ABCC6: variants seen among roughly 807,000 people sequenced by gnomAD.
ABCC6 encodes the protein ATP-binding cassette sub-family C member 6.
In ABCC6, 126 loss-of-function variants were observed where a neutral mutation model predicts 169.5. The ratio of observed to expected loss-of-function variants is 0.74; its 90% CI spans 0.64 to 0.86. The LOEUF is 0.86. Among genes scored for constraint, ABCC6 ranks in the 40% least tolerant of loss-of-function variants. The pLI, the probability that ABCC6 is intolerant of heterozygous loss-of-function variation, is 0.00. For missense variants in ABCC6, 1,733 were observed against 1,927.2 expected (o/e 0.90, Z 1.89); for synonymous variants, 752 against 814.7 (o/e 0.92, Z 1.31).
chr16:16,200,246 A>G (rs1203942831), intron 9 of ABCC6, among the ~76,000 whole-genome samples: 1 of 151,980 alleles, frequency 6.6e-6, no homozygotes, highest in East Asian at 1.9e-4. Flanking sequence ...AGCTTGGCCA[A>G]CATGGTAAAA....
intron 22 of ABCC6, 148 bp downstream of exon 22, chr16:16,169,498 A>T: frequency 1.1e-6 from 1 of 946,768 alleles, no homozygotes; most frequent in Non-Finnish European, 1.7e-6. Context: ...GCCTCATCTT[A>T]AGGACGCAGA....
chr16:16,175,964 G>C lies in ABCC6; in HGVS notation c.2613C>G (p.Thr871=). The C allele has an allele frequency of 6.2e-7, 1 of 1,614,110 alleles. No individual in the cohort carries two copies. The highest frequency in any genetic ancestry group is 8.5e-7 in the Non-Finnish European group (1 of 1,180,016). The change falls in exon 20 of 31, where the codon ACC becomes ACG. Residue 871 remains threonine, a synonymous_variant. Coordinates refer to ENST00000205557, the MANE Select transcript of ABCC6 (RefSeq NM_001171.6). ...GEGETEPGTS[T]KDPRGTSAGR... ...CTGCAGAGGTGCCTCTGGGGTCCTTGGTGCTGGTCCCAGGTTCTGTTTCTG... is the reference window on the plus strand; with the variant it reads ...CTGCAGAGGTGCCTCTGGGGTCCTTCGTGCTGGTCCCAGGTTCTGTTTCTG...
intron 27 of ABCC6, among the ~76,000 whole-genome samples, chr16:16,156,589 G>A (rs1245276070): frequency 6.6e-6 from 1 of 152,126 alleles, no homozygotes; most frequent in Non-Finnish European, 1.5e-5. Context: ...TTACCCCAAG[G>A]GAAGCTGGAA....
In ABCC6 at chr16:16,198,093, C is replaced by A. The variant is rs547565680; in HGVS notation, c.1266G>T (p.Glu422Asp). Reference protein sequence around the residue: ...LVSVDVQRLTESVLYLNGLWL... With the variant: ...LVSVDVQRLTDSVLYLNGLWL... Reference sequence around the variant, plus strand: ...ACAGCCCGTTGAGGTAGAGGACGCTCTCGGTCAGCCGCTGCACGTCCACGG... The same window carrying A: ...ACAGCCCGTTGAGGTAGAGGACGCTATCGGTCAGCCGCTGCACGTCCACGG... The change falls in exon 10 of 31, where the codon GAG (glutamate) becomes GAT (aspartate). Residue 422 changes from glutamate to aspartate, a missense_variant. Physicochemically the swap from Glu to Asp is conservative, Grantham distance 45 (BLOSUM62 2). Coordinates refer to ENST00000205557, the MANE Select transcript of ABCC6 (RefSeq NM_001171.6). 1 of 1,613,840 alleles carries A rather than the reference C, an allele frequency of 6.2e-7. No individual in the cohort carries two copies. The highest frequency in any genetic ancestry group is 2.2e-5 in the East Asian group (1 of 44,870).
chr16:16,221,722 G>A lies in ABCC6; in HGVS notation c.146C>T (p.Pro49Leu). 6.2e-7 allele frequency: 1 copy of A among 1,613,804 alleles called. No individual in the cohort carries two copies. Among genetic ancestry groups the A allele is most frequent in the Non-Finnish European group, 8.5e-7 (1 of 1,179,818 alleles). Residue 49 changes from proline to leucine, a missense_variant, in exon 2 of 31, where the codon CCC becomes CTC. Around this residue, in one of 5 missense-constraint regions of ABCC6, gnomAD observed 66 missense variants for 69.5 expected, o/e 0.95. Coordinates refer to ENST00000205557, the MANE Select transcript of ABCC6 (RefSeq NM_001171.6). ...GTGGTGGATGAAGAGGAGGTAGATG[G>A]GACCAAGGACCCAGAGGTACATGGG... ...VPPMYLWVLG[P>L]IYLLFIHHHG...
intron 18 of ABCC6, 30 bp from the exon 19 acceptor site, chr16:16,177,656 C>G (rs760478159): frequency 1.7e-5 from 28 of 1,612,816 alleles, no homozygotes; most frequent in Non-Finnish European, 2.3e-5. Context: ...AAGTTACACA[C>G]ATGTGGCCGG....
At chr16:16,170,019 C>T (rs2047007585) in intron 21 of ABCC6, among the ~76,000 whole-genome samples, 166 bp from the exon 22 acceptor site, 1 of 152,222 alleles carries the variant, frequency 6.6e-6, no homozygotes, top group African/African-American at 2.4e-5. Flanking sequence ...GCACCATTTC[C>T]CCGACAGGCC....
At position 16,161,552 on chromosome 16, in the gene ABCC6, G is replaced by C. The variant is rs1194262271; in HGVS notation, c.3519C>G (p.Ala1173=). The part of the protein sequence containing the change: ...PRLVADRWLA[A]NVELLGNGLV... ...GGCCATTCCCCAGGAGCTCCACATT[G>C]GCCGCAAGCCACCTGCAAAGGGAAG... The change falls in exon 25 of 31, where the codon GCC becomes GCG. Residue 1173 remains alanine (A), a synonymous_variant. Transcript: ENST00000205557. 6.2e-7 allele frequency: 1 copy of C among 1,613,930 alleles called. No individual in the cohort carries two copies. Among genetic ancestry groups the C allele is most frequent in the South Asian group, 1.1e-5 (1 of 91,086 alleles).
intron 9 of ABCC6, among the ~76,000 whole-genome samples, chr16:16,201,071 A>G (rs1271171663): frequency 4.6e-5 from 7 of 152,044 alleles, no homozygotes; most frequent in Non-Finnish European, 5.9e-5. Context: ...GGTTCAAGCG[A>G]TTCTCCTGTG....
chr16:16,154,571 C>T, intron 29 of ABCC6, 57 bp downstream of exon 29: 1 of 1,599,608 alleles, frequency 6.3e-7, no homozygotes. Flanking sequence ...TTGGGGAGGG[C>T]ATGGCCATCC....
chr16:16,205,036 A>G (rs2889471), intron 7 of ABCC6, among the ~76,000 whole-genome samples: 3 of 151,716 alleles, frequency 2.0e-5, no homozygotes, highest in South Asian at 2.1e-4. Context: ...GGGTTTCACA[A>G]CGTTAGCCAG....
intron 25 of ABCC6, among the ~76,000 whole-genome samples, chr16:16,160,840 C>T (rs1349439302): frequency 6.6e-6 from 1 of 151,902 alleles, no homozygotes; most frequent in African/African-American, 2.4e-5. Flanking sequence ...CGAACAAAAA[C>T]ATATAAAGCT....
rs779338019 is a variant in ABCC6, at chr16:16,208,764, T to C, written c.758A>G (p.Glu253Gly). ...ACTGCGGTTCCTCATCCACTCCTTTTCAAGCCGGGAAACAAGTTCTTCTGA... is the reference window on the plus strand; with the variant it reads ...ACTGCGGTTCCTCATCCACTCCTTTCCAAGCCGGGAAACAAGTTCTTCTGA... The part of the protein sequence containing the change: ...NSSEELVSRL[E>G]KEWMRNRSAA... The change falls in exon 7 of 31, where the codon GAA (glutamate) becomes GGA (glycine). Residue 253 changes from glutamate (E) to glycine (G), a missense_variant. Coordinates refer to ENST00000205557, the MANE Select transcript of ABCC6 (RefSeq NM_001171.6). 6.2e-7 allele frequency: 1 copy of C among 1,613,556 alleles called. No individual in the cohort carries two copies. Among genetic ancestry groups the C allele is most frequent in the African/African-American group, 1.3e-5 (1 of 74,892 alleles).
rs6498618 is a variant in ABCC6, at chr16:16,192,757, G to C, written c.1431+73C>G. On this transcript the variant is annotated intron_variant, in intron 11 of 30. Transcript: ENST00000205557. ...GGGCTCGCACTCAGCTCTCCCCTCC[G>C]CATCTCCCACACCAGGACCTGTGGC... 998,669 of 1,417,568 alleles carry C rather than the reference G, an allele frequency of 0.7. 352,659 individuals carry two copies. The highest frequency in any genetic ancestry group is 0.76 in the East Asian group (32,856 of 43,422). The allele number at this position is 1,417,568 out of a possible 1,614,324, so 87.8% of individuals were successfully genotyped here.
intron 14 of ABCC6, among the ~76,000 whole-genome samples, chr16:16,186,095 C>T (rs920272582): frequency 1.3e-5 from 2 of 152,108 alleles, no homozygotes; most frequent in Admixed American, 6.6e-5. Flanking sequence ...GCCACAGGCT[C>T]GGCTTCTTAC....
At chr16:16,195,340 T>C (rs996385617) in intron 10 of ABCC6, among the ~76,000 whole-genome samples, 1 of 135,052 alleles carries the variant, frequency 7.4e-6, no homozygotes, top group Non-Finnish European at 1.6e-5. Context: ...TTAGAAGGAG[T>C]CTCACTCTGT....
At chr16:16,195,303 A>ATTTT (rs61393724) in intron 10 of ABCC6, among the ~76,000 whole-genome samples, 5 of 96,574 alleles carry the variant, frequency 5.2e-5, no homozygotes, top group Admixed American at 1.2e-4. Flanking sequence ...GTCTCATCTA[A>ATTTT]TTTTTTTTTT....
Position 16,154,683 on chromosome 16 carries a change from C to G in ABCC6, c.4153G>C (p.Ala1385Pro). Residue 1385 changes from alanine (A) to proline (P), a missense_variant, in exon 29 of 31, where the codon GCC (alanine) becomes CCC (proline). Coordinates refer to ENST00000205557, the MANE Select transcript of ABCC6 (RefSeq NM_001171.6). ...LETVQLKALV[A>P]SLPGQLQYKC... ...TACTGCAGCTGGCCGGGCAGGCTGG[C>G]CACCAAGGCTTTGAGCTGCACCGTC... 8 of 1,613,358 alleles carry G rather than the reference C, an allele frequency of 5.0e-6. No homozygotes were observed. Among genetic ancestry groups the G allele is most frequent in the Non-Finnish European group, 6.8e-6 (8 of 1,179,982 alleles).
chr16:16,169,890 C>A, intron 21 of ABCC6, 37 bp from the exon 22 acceptor site: 1 of 1,544,320 alleles, frequency 6.5e-7, no homozygotes, highest in Non-Finnish European at 8.8e-7. Context: ...GCAGAGAGAG[C>A]CCCCAGTGGG....
Sources: gnomAD v4.1 joint callset for allele counts (sites outside exome capture counted in the v4.1 genomes callset) on GRCh38, gnomAD v4.1.1 for gene constraint, gnomAD v4.1.1 regional missense constraint, MANE v1.5 for transcripts, NCBI Gene and HGNC (gene_info 2026-07-23, HGNC 2026-07-21) for gene names.